The following GINS1 variants were observed in gnomAD, a reference collection of about 807,000 sequenced individuals.
GINS1 encodes GINS complex subunit 1.
In GINS1, 26 loss-of-function variants were observed where a neutral mutation model predicts 34.9. The ratio of observed to expected loss-of-function variants is 0.74; its 90% confidence interval spans 0.55 to 1.03. The LOEUF is 1.03. GINS1 is among the 50% of genes least tolerant of loss of function. GINS1 has a pLI of 0.00. For missense variants in GINS1, 235 were observed against 237.9 expected, an observed-to-expected ratio of 0.99 and a Z score of 0.08; for synonymous variants, 97 against 84.4, an observed-to-expected ratio of 1.15 and a Z score of -0.82.
Position 25,422,838 on chromosome 20 carries a change from G to A in GINS1, c.331-2373G>A, listed in dbSNP as rs112428270. ...GTTGCCCAGGCTGGAGTGCTGTGGC[G>A]TGATCTTGGCTGACCGCAACCCCCG... On this transcript the variant is annotated intron_variant, in intron 4 of 6. Coordinates refer to ENST00000262460, the MANE Select transcript of GINS1 (RefSeq NM_021067.5). Among the ~76,000 whole-genome samples, 1,162 of 150,768 alleles carry A rather than the reference G, an allele frequency of 7.7e-3. 8 individuals are homozygous for A. Among genetic ancestry groups the A allele is most frequent in the Middle Eastern group, 0.022 (6 of 276 alleles).
At chr20:25,419,315 G>A (rs779198944) in intron 4 of GINS1, among the ~76,000 whole-genome samples, 1 of 149,956 alleles carries the variant, frequency 6.7e-6, no homozygotes, top group Non-Finnish European at 1.5e-5. Context: ...AAACCTGCAC[G>A]TTCAGCACAT....
chr20:25,423,030 G>A (rs573060998), intron 4 of GINS1, among the ~76,000 whole-genome samples: 5 of 152,228 alleles, frequency 3.3e-5, no homozygotes, highest in African/African-American at 1.2e-4. Flanking sequence ...ACCTGCCCCA[G>A]CCTCCCAAAG....
chr20:25,420,229 G>A (rs2090346655), intron 4 of GINS1, among the ~76,000 whole-genome samples: 1 of 151,638 alleles, frequency 6.6e-6, no homozygotes, highest in Non-Finnish European at 1.5e-5. Context: ...TGCCTCCCGG[G>A]TTCAAGCGAT....
intron 5 of GINS1, among the ~76,000 whole-genome samples, chr20:25,441,292 G>T (rs1377679051): frequency 6.6e-6 from 1 of 152,154 alleles, no homozygotes; most frequent in African/African-American, 2.4e-5. Context: ...TTCCAAAAAC[G>T]AATACTGCAG....
intron 5 of GINS1, among the ~76,000 whole-genome samples, chr20:25,428,674 G>C (rs1366735124): frequency 6.6e-6 from 1 of 151,544 alleles, no homozygotes; most frequent in East Asian, 2.0e-4. Flanking sequence ...AAAGTGCTGG[G>C]ATTACAGGTG....
At chr20:25,439,122 C>T (rs1238545998) in intron 5 of GINS1, among the ~76,000 whole-genome samples, 1 of 152,030 alleles carries the variant, frequency 6.6e-6, no homozygotes, top group East Asian at 1.9e-4. Context: ...TTACTAAAAC[C>T]TTTCAGTAGA....
chr20:25,426,190 T>C (rs1023348054), intron 5 of GINS1, among the ~76,000 whole-genome samples: 2 of 152,224 alleles, frequency 1.3e-5, no homozygotes, highest in African/African-American at 4.8e-5. Flanking sequence ...ACAAGTTATT[T>C]GTCTTTTTGT....
chr20:25,430,776 C>T (rs531448579), intron 5 of GINS1, among the ~76,000 whole-genome samples: 3 of 152,286 alleles, frequency 2.0e-5, no homozygotes, highest in East Asian at 1.9e-4. Flanking sequence ...GTGATCCTCC[C>T]GCCTTGGCCT....
At chr20:25,425,361 A>G (rs2090385096) in intron 5 of GINS1, 34 bp downstream of exon 5, 2 of 850,384 alleles carry the variant, frequency 2.4e-6, no homozygotes, top group Non-Finnish European at 4.0e-6. Flanking sequence ...ATTTTTCTTT[A>G]ATGTGTAAAT....
chr20:25,410,843 G>A (rs57405931), intron 1 of GINS1, among the ~76,000 whole-genome samples: 2,263 of 152,262 alleles, frequency 0.015, 50 homozygotes, highest in African/African-American at 0.045. Flanking sequence ...GATTATAGGC[G>A]TGAGCCACCG....
At chr20:25,415,833 C>T (rs1213443835) in intron 2 of GINS1, among the ~76,000 whole-genome samples, 1 of 152,098 alleles carries the variant, frequency 6.6e-6, no homozygotes, top group Non-Finnish European at 1.5e-5. Flanking sequence ...AATAGAAGGT[C>T]TAGCTTAAAT....
In GINS1 at chr20:25,419,077, A is replaced by C. The variant is rs140889082; in HGVS notation, c.330+882A>C. Among the ~76,000 whole-genome samples the C allele has an allele frequency of 2.0e-5, 3 of 152,214 alleles. No individual in the cohort carries two copies. In the East Asian group the frequency reaches 5.8e-4, roughly 29 times the overall value. ...ACTTGAGAAAGTACAAGAATTTAGA[A>C]GCTACCTCCCAGGAATGAGGGAGAG... On this transcript the variant is annotated intron_variant, in intron 4 of 6. Transcript: ENST00000262460.
intron 2 of GINS1, among the ~76,000 whole-genome samples, chr20:25,416,333 T>C (rs1225293877): frequency 6.6e-6 from 1 of 152,194 alleles, no homozygotes; most frequent in Non-Finnish European, 1.5e-5. Flanking sequence ...TCCACCTTCC[T>C]AGTTTCATCA....
intron 1 of GINS1, 140 bp from the exon 2 acceptor site, chr20:25,413,650 A>T: frequency 1.6e-6 from 1 of 625,400 alleles, no homozygotes. Flanking sequence ...CACTTGTTAT[A>T]ACCATGCTAG....
chr20:25,436,884 G>A (rs2090457357), intron 5 of GINS1, among the ~76,000 whole-genome samples: 1 of 151,978 alleles, frequency 6.6e-6, no homozygotes, highest in African/African-American at 2.4e-5. Context: ...GATTGTTTTT[G>A]CTGAAAACCA....
intron 2 of GINS1, among the ~76,000 whole-genome samples, chr20:25,414,575 C>G (rs377344829): frequency 6.6e-6 from 1 of 152,176 alleles, no homozygotes; most frequent in African/African-American, 2.4e-5. Flanking sequence ...TGGCACACAC[C>G]TGGAGTCTTA....
intron 5 of GINS1, 140 bp downstream of exon 5, chr20:25,425,467 A>G: frequency 2.0e-6 from 1 of 495,614 alleles, no homozygotes; most frequent in Non-Finnish European, 3.6e-6. Context: ...AGCTACCTGT[A>G]GGGGGATGAC....
At chr20:25,423,275 G>A (rs193015148) in intron 4 of GINS1, among the ~76,000 whole-genome samples, 10 of 150,736 alleles carry the variant, frequency 6.6e-5, no homozygotes, top group Non-Finnish European at 1.2e-4. Flanking sequence ...CACCATGCCC[G>A]GCTAATTTTT....
intron 4 of GINS1, among the ~76,000 whole-genome samples, chr20:25,419,235 A>G (rs570767131): frequency 1.8e-4 from 28 of 152,328 alleles, no homozygotes; most frequent in Admixed American, 2.6e-4. Flanking sequence ...TTACAGTTGC[A>G]TAGCACAGAG....
Sources: gnomAD v4.1 joint callset for allele counts (sites outside exome capture counted in the v4.1 genomes callset) on GRCh38, gnomAD v4.1.1 for gene constraint, MANE v1.5 for transcripts, NCBI Gene and HGNC (gene_info 2026-07-23, HGNC 2026-07-21) for gene names.